Variants in SAP130 observed in about 807,000 individuals in gnomAD.
The protein encoded by SAP130 is Sin3A associated protein 130.
A neutral mutation model predicts 103.2 loss-of-function variants in SAP130; 16 were observed. That is an observed-to-expected ratio of 0.16 (90% CI 0.10 to 0.24). SAP130 has a LOEUF of 0.24. Ranked by LOEUF, SAP130 falls within the 10% of genes least tolerant of loss-of-function variation. The pLI is 1.00. For missense variants in SAP130, 990 were observed against 1,359.7 expected, an observed-to-expected ratio of 0.73 and a Z score of 4.28; for synonymous variants, 477 against 497.0, an observed-to-expected ratio of 0.96 and a Z score of 0.53.
rs1029059724 is a variant in SAP130 at position 127,996,294 on chromosome 2, A to T, written c.1355+56T>A. On this transcript the variant is annotated intron_variant, in intron 11 of 20. Coordinates refer to ENST00000643581, the MANE Select transcript of SAP130 (RefSeq NM_001330301.2). This position sits in a 1 kb window ranked among gnomAD's most constrained non-coding sequence, Gnocchi z 4.3. The stretch of plus-strand genomic sequence containing the variant: ...GTGGGACACTTTGTTTTATGCTGAT[A>T]AAGCAGAACGATTAATGACACAGTG... 4 of 1,458,280 alleles carry T rather than the reference A, an allele frequency of 2.7e-6. No individual in the cohort carries two copies. Among genetic ancestry groups the T allele is most frequent in the Non-Finnish European group, 3.7e-6 (4 of 1,093,408 alleles). The allele number at this position is 1,458,280 out of a possible 1,614,324, so 90.3% of individuals were successfully genotyped here. A position where few individuals can be genotyped will look rare whatever the true frequency, so the allele number is the denominator to read the frequency against.
chr2:128,010,480 T>C, intron 6 of SAP130, 87 bp from the exon 7 acceptor site: 3 of 1,268,538 alleles, frequency 2.4e-6, no homozygotes, highest in Non-Finnish European at 1.1e-6. Flanking sequence ...AACTTGAGCC[T>C]ACAGATAAGC....
chr2:127,941,877 G>T lies in SAP130; in HGVS notation c.*129C>A. 1.2e-6 allele frequency: 1 copy of T among 855,090 alleles called. No individual in the cohort carries two copies. The highest frequency in any genetic ancestry group is 1.8e-6 in the Non-Finnish European group (1 of 541,846). The allele number at this position is 855,090 out of a possible 1,614,324, so 53.0% of individuals were successfully genotyped here. ...GCCCTTGGATGTCATGGGTTCCTCT[G>T]CTTTCACACGGGAACTAAGGAACAC... is the stretch of plus-strand genomic sequence containing the variant. On this transcript the variant is annotated 3_prime_UTR_variant, in exon 21 of 21. Transcript: ENST00000643581.
Position 127,955,412 on chromosome 2 carries a change from A to C in SAP130, c.2064-68T>G. ...ACTGCCTTCATCTACAACATCTCAG[A>C]GGATGAGTATTTGTCCAATTATTTC... is the stretch of plus-strand genomic sequence containing the variant. On this transcript the variant is annotated intron_variant, in intron 15 of 20. Coordinates refer to ENST00000643581, the MANE Select transcript of SAP130 (RefSeq NM_001330301.2). The surrounding 1 kb of genome is among the most constrained non-coding windows in gnomAD (Gnocchi z 4.9). 1.1e-6 allele frequency: 1 copy of C among 951,954 alleles called. No homozygotes were observed. The allele number at this position is 951,954 out of a possible 1,614,324, so 59.0% of individuals were successfully genotyped here. A position where few individuals can be genotyped will look rare whatever the true frequency, so the allele number is the denominator to read the frequency against.
chr2:127,973,445 C>T (rs1292464145), intron 15 of SAP130, among the ~76,000 whole-genome samples: 1 of 152,100 alleles, frequency 6.6e-6, no homozygotes, highest in African/African-American at 2.4e-5. Flanking sequence ...TTGGTCAGGC[C>T]GATCTCAAAC....
At chr2:127,987,406 G>A (rs1051501773) in intron 13 of SAP130, among the ~76,000 whole-genome samples, 5 of 151,936 alleles carry the variant, frequency 3.3e-5, no homozygotes, top group Non-Finnish European at 5.9e-5. Context: ...GGCTAGTCTC[G>A]AATTCCTGAC....
intron 14 of SAP130, among the ~76,000 whole-genome samples, chr2:127,982,930 T>C (rs1188903966): frequency 6.6e-6 from 1 of 151,954 alleles, no homozygotes; most frequent in African/African-American, 2.4e-5. Context: ...AGAAAGAAGA[T>C]GGGCTAGGGG....
intron 7 of SAP130, among the ~76,000 whole-genome samples, chr2:128,005,841 G>T (rs1386598629): frequency 2.6e-5 from 4 of 151,956 alleles, no homozygotes; most frequent in Non-Finnish European, 5.9e-5. Flanking sequence ...TGTTGGCCAG[G>T]CTGGTCTCAA....
intron 16 of SAP130, among the ~76,000 whole-genome samples, chr2:127,952,374 C>T (rs963249884): frequency 1.3e-5 from 2 of 150,302 alleles, no homozygotes; most frequent in African/African-American, 4.9e-5. Context: ...TTGCTTGAAA[C>T]CAGAAGGCAG....
chr2:127,987,428 C>T (rs1290779487), intron 13 of SAP130, among the ~76,000 whole-genome samples: 1 of 152,132 alleles, frequency 6.6e-6, no homozygotes, highest in Non-Finnish European at 1.5e-5. Flanking sequence ...TTAAGTGATC[C>T]ACCTGCCTTG....
chr2:127,992,709 T>C (rs954014218), intron 12 of SAP130, among the ~76,000 whole-genome samples: 4 of 152,224 alleles, frequency 2.6e-5, no homozygotes, highest in African/African-American at 7.2e-5. Flanking sequence ...CACGTCATCA[T>C]GATGAGAGGA....
intron 15 of SAP130, among the ~76,000 whole-genome samples, chr2:127,969,889 G>A (rs1404816305): frequency 6.6e-6 from 1 of 151,878 alleles, no homozygotes; most frequent in Non-Finnish European, 1.5e-5. Context: ...GAAGCCAGGA[G>A]GTTGAGACCA....
chr2:127,945,296 GAC>G (rs775453916), intron 19 of SAP130, among the ~76,000 whole-genome samples, 158 bp downstream of exon 19: 2 of 152,328 alleles, frequency 1.3e-5, no homozygotes. Context: ...ACATGTAACT[GAC>G]ACAGTGTGAT....
intron 11 of SAP130, among the ~76,000 whole-genome samples, chr2:127,994,577 G>T (rs1173922857): frequency 1.3e-5 from 2 of 152,130 alleles, no homozygotes; most frequent in African/African-American, 4.8e-5. Flanking sequence ...GGGCAACAGT[G>T]TGAGACCTCA....
intron 7 of SAP130, among the ~76,000 whole-genome samples, chr2:128,002,798 G>C (rs747703495): frequency 3.9e-5 from 6 of 152,064 alleles, no homozygotes; most frequent in Non-Finnish European, 7.4e-5. Flanking sequence ...AAACAATAAA[G>C]TACTCAAAGG....
intron 15 of SAP130, among the ~76,000 whole-genome samples, chr2:127,977,336 A>AAC (rs1553507300): frequency 1.1e-4 from 1 of 9,128 alleles, no homozygotes; most frequent in Non-Finnish European, 4.6e-4. Context: ...CTTAAAATAC[A>AAC]AAAAAAAAAA....
At chr2:127,988,183 GA>G (rs544821235) in intron 13 of SAP130, among the ~76,000 whole-genome samples, 76 of 152,286 alleles carry the variant, frequency 5.0e-4, no homozygotes, top group African/African-American at 1.7e-3. Flanking sequence ...AGCACTTTGG[GA>G]GGACAAGGCT....
At chr2:127,978,602 G>A (rs546614732) in intron 14 of SAP130, among the ~76,000 whole-genome samples, 1 of 152,330 alleles carries the variant, frequency 6.6e-6, no homozygotes, top group Non-Finnish European at 1.5e-5. Flanking sequence ...GAAAACATGA[G>A]CAATCTTGAC....
At chr2:127,999,978 G>C (rs1683436992) in intron 9 of SAP130, 78 bp downstream of exon 9, 1 of 1,487,190 alleles carries the variant, frequency 6.7e-7, no homozygotes, top group Non-Finnish European at 9.4e-7. Context: ...TCTGACTGAA[G>C]GTGAGAAATG....
At chr2:128,016,772 CCA>C (rs537726111) in intron 3 of SAP130, among the ~76,000 whole-genome samples, 120 of 152,290 alleles carry the variant, frequency 7.9e-4, no homozygotes, top group African/African-American at 2.9e-3. Flanking sequence ...TTGCTCAAAG[CCA>C]CACACACAGT....
Sources: gnomAD v4.1 joint callset for allele counts (sites outside exome capture counted in the v4.1 genomes callset) on GRCh38, gnomAD v4.1.1 for gene constraint, Gnocchi (gnomAD v3.1) non-coding constraint, MANE v1.5 for transcripts, NCBI Gene and HGNC (gene_info 2026-07-23, HGNC 2026-07-21) for gene names.